Variants in ATP10A observed in about 807,000 individuals in gnomAD.
ATP10A encodes ATPase phospholipid transporting 10A (putative).
ATP10A carries 111 observed loss-of-function variants against 147.8 expected under a neutral mutation model. The observed-to-expected ratio is 0.75, with a 90% CI of 0.64 to 0.88. ATP10A has a LOEUF of 0.88. Among genes scored for constraint, ATP10A ranks in the 40% least tolerant of loss-of-function variants. The pLI, the probability that ATP10A is intolerant of heterozygous loss-of-function variation, is 0.00. For synonymous variants in ATP10A, 875 were observed against 841.6 expected (o/e 1.04, Z -0.69); for missense variants, 1,927 against 1,959.0 (o/e 0.98, Z 0.31).
intron 17 of ATP10A, 120 bp from the exon 18 acceptor site, chr15:25,681,194 C>T (rs1384992514): frequency 1.1e-6 from 1 of 917,824 alleles, no homozygotes; most frequent in Non-Finnish European, 1.7e-6. Flanking sequence ...CAAAAACCCA[C>T]CCTGAGGAGT....
chr15:25,786,019 G>C (rs1403950646), intron 1 of ATP10A, among the ~76,000 whole-genome samples: 1 of 152,266 alleles, frequency 6.6e-6, no homozygotes, highest in Non-Finnish European at 1.5e-5. Flanking sequence ...CTTAAGCACA[G>C]AGGTGACAGC....
intron 15 of ATP10A, among the ~76,000 whole-genome samples, chr15:25,691,132 ATGT>A (rs1396644479): frequency 1.3e-5 from 2 of 152,198 alleles, no homozygotes; most frequent in Non-Finnish European, 2.9e-5. Flanking sequence ...CAACCCAAAA[ATGT>A]TGTGATTCAT....
At chr15:25,836,523 C>T (rs1347711911) in intron 1 of ATP10A, among the ~76,000 whole-genome samples, 37 of 152,176 alleles carry the variant, frequency 2.4e-4, no homozygotes, top group Admixed American at 2.4e-3. Flanking sequence ...TCACGCACGT[C>T]GATTTCATCA....
intron 1 of ATP10A, among the ~76,000 whole-genome samples, chr15:25,832,750 G>A (rs1227241288): frequency 2.6e-5 from 4 of 152,036 alleles, no homozygotes; most frequent in African/African-American, 4.8e-5. Context: ...GTGGCATTCC[G>A]CAGCACTGCA....
intron 1 of ATP10A, among the ~76,000 whole-genome samples, chr15:25,816,154 A>G (rs1051696589): frequency 6.6e-6 from 1 of 151,946 alleles, no homozygotes; most frequent in Non-Finnish European, 1.5e-5. Context: ...AAGTTGGTAA[A>G]CAGAACTTCG....
intron 2 of ATP10A, among the ~76,000 whole-genome samples, chr15:25,768,290 C>T (rs1294324744): frequency 1.3e-5 from 2 of 152,204 alleles, no homozygotes; most frequent in African/African-American, 4.8e-5. Context: ...CACTGTGGCT[C>T]ACAGTCATTA....
intron 2 of ATP10A, among the ~76,000 whole-genome samples, chr15:25,771,148 T>G (rs1177071004): frequency 6.6e-6 from 1 of 152,032 alleles, no homozygotes; most frequent in Non-Finnish European, 1.5e-5. Flanking sequence ...TGGCTCTGGG[T>G]CTCTTCTTCG....
At chr15:25,691,058 G>T (rs1486128904) in intron 15 of ATP10A, among the ~76,000 whole-genome samples, 1 of 152,142 alleles carries the variant, frequency 6.6e-6, no homozygotes, top group Admixed American at 6.5e-5. Flanking sequence ...ATCAACCAGC[G>T]AGTAAGTGGT....
At position 25,679,308 on chromosome 15, in the gene ATP10A, T is replaced by TTA. The variant is rs1312592819; in HGVS notation, c.*31_*32dup. On this transcript the variant is annotated 3_prime_UTR_variant, in exon 21 of 21. Transcript: ENST00000555815. ...AAACATAAATAATATTAACATTTAT[T>TTA]TATATATATTAAAAAAGGCCATTTC... 1.1e-5 allele frequency: 14 copies of TTA among 1,294,236 alleles called. No individual in the cohort carries two copies. The highest frequency in any genetic ancestry group is 2.8e-5 in the Admixed American group (1 of 35,322). 80.2% of individuals were successfully genotyped at this position (1,294,236 alleles called of 1,614,324 possible).
At chr15:25,804,504 T>TGA (rs1891093867) in intron 1 of ATP10A, among the ~76,000 whole-genome samples, 1 of 150,258 alleles carries the variant, frequency 6.7e-6, no homozygotes, top group African/African-American at 2.5e-5. Context: ...TGTGTGTGTG[T>TGA]GACGTGTGTG....
At chr15:25,720,396 G>A (rs1285183239) in intron 7 of ATP10A, among the ~76,000 whole-genome samples, 1 of 152,184 alleles carries the variant, frequency 6.6e-6, no homozygotes. Flanking sequence ...CTGTGCAACA[G>A]ATCTCAAAAC....
intron 2 of ATP10A, among the ~76,000 whole-genome samples, chr15:25,742,245 G>C (rs560484766): frequency 1.1e-4 from 17 of 152,322 alleles, no homozygotes; most frequent in African/African-American, 3.6e-4. Context: ...GGCCTCCGCA[G>C]TCCTCTTTCA....
intron 1 of ATP10A, among the ~76,000 whole-genome samples, chr15:25,825,610 C>T (rs1232537785): frequency 6.6e-6 from 1 of 152,182 alleles, no homozygotes; most frequent in Non-Finnish European, 1.5e-5. Context: ...CTAAGATAAT[C>T]AAGCACAGTC....
chr15:25,769,423 G>T (rs1178249945), intron 2 of ATP10A, among the ~76,000 whole-genome samples: 2 of 144,634 alleles, frequency 1.4e-5, no homozygotes, highest in Non-Finnish European at 3.0e-5. Flanking sequence ...GGGGGCGGAG[G>T]TTACAGTGAG....
At chr15:25,674,511 G>T (rs1429466400), downstream of ATP10A, among the ~76,000 whole-genome samples, 1 of 152,092 alleles carries the variant, frequency 6.6e-6, no homozygotes. Flanking sequence ...CCCTGGCCAG[G>T]CCTCTTTAAA....
At chr15:25,778,346 T>C (rs372928532) in intron 2 of ATP10A, among the ~76,000 whole-genome samples, 1 of 152,248 alleles carries the variant, frequency 6.6e-6, no homozygotes, top group Admixed American at 6.5e-5. Context: ...TTAAATGTTC[T>C]TGGCATTTGT....
chr15:25,772,012 A>G (rs970624208), intron 2 of ATP10A, among the ~76,000 whole-genome samples: 1 of 152,130 alleles, frequency 6.6e-6, no homozygotes. Flanking sequence ...TCAGCCTCCC[A>G]AAGTGCTGGG....
Position 25,702,030 on chromosome 15 carries a change from G to T in ATP10A, c.2646C>A (p.Gly882=). 1 of 1,614,188 alleles carries T rather than the reference G, an allele frequency of 6.2e-7. No individual in the cohort carries two copies. Among genetic ancestry groups the T allele is most frequent in the Non-Finnish European group, 8.5e-7 (1 of 1,180,030 alleles). ...CACCAGTGAGAACCCAAATCTGCAG[G>T]CCCGCTTGACGCAATTTAGAAATAG... is the stretch of plus-strand genomic sequence containing the variant. ...PETISKLRQA[G]LQIWVLTGDK... The change falls in exon 13 of 21, where the codon GGC becomes GGA. Residue 882 remains glycine (G), a synonymous_variant. Transcript: ENST00000555815.
chr15:25,831,245 T>C (rs1567416311), intron 1 of ATP10A, among the ~76,000 whole-genome samples: 1 of 152,142 alleles, frequency 6.6e-6, no homozygotes, highest in Non-Finnish European at 1.5e-5. Context: ...CTCCACCCCG[T>C]ATGAGATTCT....
Sources: allele counts gnomAD v4.1 joint callset (sites outside exome capture counted in the v4.1 genomes callset), GRCh38; gene constraint gnomAD v4.1.1; transcripts MANE v1.5; gene names NCBI Gene and HGNC (gene_info 2026-07-23, HGNC 2026-07-21).